Variants in PTPDC1 observed in about 807,000 individuals in gnomAD.
PTPDC1 encodes the protein protein tyrosine phosphatase domain containing 1.
In PTPDC1, 53 loss-of-function variants were observed where a neutral mutation model predicts 75.3. The ratio of observed to expected loss-of-function variants is 0.70; its 90% confidence interval spans 0.56 to 0.88. PTPDC1 has a LOEUF of 0.88. PTPDC1 is among the 40% of genes least tolerant of loss of function. PTPDC1 has a pLI of 0.00. For missense variants in PTPDC1, 925 were observed against 998.6 expected, an observed-to-expected ratio of 0.93 and a Z score of 0.99; for synonymous variants, 349 against 366.2, an observed-to-expected ratio of 0.95 and a Z score of 0.54.
At position 94,031,614 on chromosome 9, in the gene PTPDC1, A is replaced by G. The variant is rs189464358; in HGVS notation, c.-7+487A>G. Among the ~76,000 whole-genome samples the G allele has an allele frequency of 4.3e-4, 65 of 152,158 alleles. 1 individual carries two copies. Among genetic ancestry groups the G allele is most frequent in the African/African-American group, 1.2e-3 (51 of 41,510 alleles). On this transcript the variant is annotated intron_variant, in intron 1 of 9. Coordinates refer to the PTPDC1 transcript ENST00000375360. ...TATCTCTCGGACATGCATTCTCAAC[A>G]TGGGTGATATTGCTCATGTTCTTAG...
chr9:94,070,115 G>A (rs7036040), intron 2 of PTPDC1, among the ~76,000 whole-genome samples: 4,556 of 152,220 alleles, frequency 0.03, 209 homozygotes, highest in African/African-American at 0.1. Context: ...GAGCCACCAC[G>A]CCTGGCCAAT....
intron 2 of PTPDC1, among the ~76,000 whole-genome samples, chr9:94,065,682 C>G (rs182549741): frequency 1.3e-5 from 2 of 152,326 alleles, no homozygotes; most frequent in East Asian, 3.9e-4. Context: ...CTCATCTTGT[C>G]TAAACTCCGT....
chr9:94,057,349 G>A (rs1235775362), intron 1 of PTPDC1, among the ~76,000 whole-genome samples: 1 of 152,182 alleles, frequency 6.6e-6, no homozygotes, highest in Non-Finnish European at 1.5e-5. Context: ...TTCCCAAAGT[G>A]CTGGGATTAC....
chr9:94,101,788 G>A (rs145830683), intron 7 of PTPDC1, 37 bp downstream of exon 7: 6 of 1,254,494 alleles, frequency 4.8e-6, no homozygotes, highest in African/African-American at 4.6e-5. Flanking sequence ...GACTGTAACT[G>A]AGGCCCTTAG....
intron 2 of PTPDC1, among the ~76,000 whole-genome samples, chr9:94,077,135 C>A (rs546817175): frequency 6.6e-6 from 1 of 152,138 alleles, no homozygotes; most frequent in Non-Finnish European, 1.5e-5. Context: ...AGACTATTTT[C>A]ATCAGACCAA....
At chr9:94,090,428 C>T (rs1352950303) in intron 4 of PTPDC1, among the ~76,000 whole-genome samples, 2 of 150,748 alleles carry the variant, frequency 1.3e-5, no homozygotes, top group African/African-American at 4.9e-5. Context: ...TGGTCTGTTC[C>T]ATTGATCTAT....
intron 2 of PTPDC1, among the ~76,000 whole-genome samples, chr9:94,071,640 C>G (rs1382253100): frequency 6.6e-6 from 1 of 152,160 alleles, no homozygotes; most frequent in Non-Finnish European, 1.5e-5. Context: ...TGTCCATCCA[C>G]CAATACCACC....
chr9:94,080,437 T>G (rs866023906), upstream of PTPDC1, among the ~76,000 whole-genome samples: 4 of 152,182 alleles, frequency 2.6e-5, no homozygotes, highest in African/African-American at 7.2e-5. Context: ...TAAATATAGA[T>G]GTAAAGTGTG....
At chr9:94,092,605 T>C (rs1188890502) in intron 4 of PTPDC1, among the ~76,000 whole-genome samples, 4 of 152,038 alleles carry the variant, frequency 2.6e-5, no homozygotes, top group Non-Finnish European at 2.9e-5. Context: ...TAGGTCTGTT[T>C]GGTGCAGAGC....
intron 1 of PTPDC1, among the ~76,000 whole-genome samples, chr9:94,059,238 A>G (rs1468854498): frequency 6.6e-6 from 1 of 152,184 alleles, no homozygotes; most frequent in South Asian, 2.1e-4. Context: ...TAACAATTGT[A>G]TTTTGTCTCA....
At chr9:94,085,149 G>A (rs1033615857) in intron 1 of PTPDC1, 102 bp from the exon 2 acceptor site, 1 of 1,020,468 alleles carries the variant, frequency 9.8e-7, no homozygotes, top group Admixed American at 2.4e-5. Context: ...TTTTGCACTG[G>A]CTTGTCATCT....
chr9:94,032,642 GA>G (rs953563835), intron 1 of PTPDC1, among the ~76,000 whole-genome samples: 2 of 152,146 alleles, frequency 1.3e-5, no homozygotes, highest in Non-Finnish European at 2.9e-5. Flanking sequence ...GATCCTCCTT[GA>G]AAACTAGGTT....
At chr9:94,067,288 G>T (rs1471557273) in intron 2 of PTPDC1, among the ~76,000 whole-genome samples, 1 of 151,860 alleles carries the variant, frequency 6.6e-6, no homozygotes, top group African/African-American at 2.4e-5. Context: ...TACTCGAGAG[G>T]CTGAGGCAGG....
Position 94,097,806 on chromosome 9 carries a change from G to A in PTPDC1, c.1240G>A (p.Gly414Ser). The A allele has an allele frequency of 6.2e-7, 1 of 1,614,132 alleles. No homozygotes were observed. The highest frequency in any genetic ancestry group is 1.1e-5 in the South Asian group (1 of 91,068). The change falls in exon 6 of 9, where the codon GGC (glycine) becomes AGC (serine). Residue 414 changes from glycine to serine, a missense_variant. By Grantham distance (56) the Gly-to-Ser change is moderately conservative. Coordinates refer to ENST00000620992, the MANE Select transcript of PTPDC1 (RefSeq NM_001253829.2). ...TAVAADFDNR[G>S]MIFSNEQQFD... ...AGTGGCAGCAGATTTTGACAATCGA[G>A]GCATGATTTTCTCCAATGAGCAACA...
At chr9:94,089,110 G>T in intron 4 of PTPDC1, among the ~76,000 whole-genome samples, 1 of 142,304 alleles carries the variant, frequency 7.0e-6, no homozygotes. Flanking sequence ...TTAAGTTTTA[G>T]GGTACATGTG....
chr9:94,071,225 T>G (rs1275963824), intron 2 of PTPDC1, among the ~76,000 whole-genome samples: 1 of 152,192 alleles, frequency 6.6e-6, no homozygotes, highest in African/African-American at 2.4e-5. Context: ...TATAGTGGTG[T>G]CTTTTGTGGT....
chr9:94,032,824 T>C (rs931577050), intron 1 of PTPDC1, among the ~76,000 whole-genome samples: 1 of 152,052 alleles, frequency 6.6e-6, no homozygotes, highest in Admixed American at 6.6e-5. Flanking sequence ...CTCACAGTTC[T>C]CTTAAAAGCA....
chr9:94,043,038 C>T (rs1209952507), intron 1 of PTPDC1, among the ~76,000 whole-genome samples: 1 of 152,206 alleles, frequency 6.6e-6, no homozygotes, highest in Admixed American at 6.5e-5. Context: ...TTCTACTTCT[C>T]TTGCTGTTTA....
chr9:94,063,413 C>T (rs1436948826), intron 1 of PTPDC1, among the ~76,000 whole-genome samples: 1 of 152,064 alleles, frequency 6.6e-6, no homozygotes, highest in African/African-American at 2.4e-5. Flanking sequence ...TCCATTAGTC[C>T]CTTTACTTAA....
Sources: allele counts gnomAD v4.1 joint callset (sites outside exome capture counted in the v4.1 genomes callset), GRCh38; gene constraint gnomAD v4.1.1; transcripts MANE v1.5; gene names NCBI Gene and HGNC (gene_info 2026-07-23, HGNC 2026-07-21).